The following BFSP2 variants were observed in gnomAD, a reference collection of about 807,000 sequenced individuals.
BFSP2 encodes the protein beaded filament structural protein 2, also known as phakinin.
BFSP2 carries 38 observed loss-of-function variants against 44.9 expected under a neutral mutation model. The observed-to-expected ratio is 0.85, with a 90% CI of 0.65 to 1.11. BFSP2 has a LOEUF of 1.11. Among genes scored for constraint, BFSP2 ranks in the 50% least tolerant of loss-of-function variants. BFSP2 has a pLI of 0.00. For synonymous variants in BFSP2, 197 were observed against 209.9 expected (o/e 0.94, Z 0.53); for missense variants, 525 against 533.0 (o/e 0.99, Z 0.15).
At chr3:133,450,262 T>TC (rs769687076) in intron 3 of BFSP2, 41 bp from the exon 4 acceptor site, 2 of 1,610,232 alleles carry the variant, frequency 1.2e-6, no homozygotes, top group African/African-American at 2.7e-5. Flanking sequence ...GCCATTTATT[T>TC]CCCCCCGTAA....
At chr3:133,461,386 C>T (rs1331874956) in intron 4 of BFSP2, among the ~76,000 whole-genome samples, 1 of 152,190 alleles carries the variant, frequency 6.6e-6, no homozygotes, top group East Asian at 1.9e-4. Context: ...GAAGTAATTG[C>T]ACTCCTACCC....
chr3:133,432,123 C>T lies in BFSP2; in HGVS notation c.490-15194C>T, dbSNP rs544454239. Among the ~76,000 whole-genome samples, 87 of 152,288 alleles carry T rather than the reference C, an allele frequency of 5.7e-4. 1 individual carries two copies. In the South Asian group the frequency reaches 0.016, roughly 28 times the overall value. ...AACGCCAATGTCCCATCCCACAGCA[C>T]GCTTTAAAGGGATTAAAGCCTGTTA... On this transcript the variant is annotated intron_variant, in intron 1 of 6. Transcript: ENST00000302334.
intron 3 of BFSP2, among the ~76,000 whole-genome samples, chr3:133,449,874 G>T (rs2073940328): frequency 1.3e-5 from 2 of 151,472 alleles, no homozygotes; most frequent in Non-Finnish European, 1.5e-5. Flanking sequence ...GGGTGACAGA[G>T]TGAGACCCTG....
chr3:133,466,917 A>G lies in BFSP2; in HGVS notation c.981A>G (p.Gln327=), dbSNP rs2074116142. ...LRVELHNTSC[Q]VQSLQAETES... is the part of the protein sequence containing the mutation. ...TGGAGTTACACAACACTTCGTGCCA[A>G]GTCCAGAGCCTCCAGGCTGAGACAG... Residue 327 remains glutamine (Q), a synonymous_variant, in exon 5 of 7, where the codon CAA becomes CAG. Transcript: ENST00000302334. 1 of 1,613,998 alleles carries G rather than the reference A, an allele frequency of 6.2e-7. No homozygotes were observed. The highest frequency in any genetic ancestry group is 1.3e-5 in the African/African-American group (1 of 74,912).
chr3:133,411,857 G>T (rs946593569), intron 1 of BFSP2, among the ~76,000 whole-genome samples: 2 of 151,974 alleles, frequency 1.3e-5, no homozygotes, highest in Non-Finnish European at 2.9e-5. Context: ...GAAGCAAGAT[G>T]GTAAGAGAAA....
intron 5 of BFSP2, among the ~76,000 whole-genome samples, chr3:133,468,220 G>A (rs900969184): frequency 3.9e-5 from 6 of 152,188 alleles, no homozygotes; most frequent in African/African-American, 1.4e-4. Context: ...TGATACAAAT[G>A]TGAGGGAGGG....
At chr3:133,441,264 G>A (rs1418342076) in intron 1 of BFSP2, among the ~76,000 whole-genome samples, 10 of 152,042 alleles carry the variant, frequency 6.6e-5, no homozygotes, top group Admixed American at 6.6e-4. Flanking sequence ...TCGAACTCCT[G>A]ACCTCAGGTG....
chr3:133,454,812 G>A (rs911004645), intron 4 of BFSP2, among the ~76,000 whole-genome samples: 8 of 152,188 alleles, frequency 5.3e-5, no homozygotes, highest in African/African-American at 1.2e-4. Flanking sequence ...ATGCAAACAC[G>A]TCATACAGCT....
At chr3:133,455,921 C>T (rs1370060574) in intron 4 of BFSP2, 1 of 152,908 alleles carries the variant, frequency 6.5e-6, no homozygotes, top group East Asian at 1.9e-4. Flanking sequence ...TCTTAGCCTT[C>T]TTCCTGAGAT....
Position 133,429,233 on chromosome 3 carries a change from G to A in BFSP2, c.490-18084G>A, listed in dbSNP as rs1008843658. Reference sequence around the variant, plus strand: ...ATTATTTTAAACTTTATGTTAAATTGTGTTATACTGTGTATTAGTCAGGGT... The same window carrying A: ...ATTATTTTAAACTTTATGTTAAATTATGTTATACTGTGTATTAGTCAGGGT... On this transcript the variant is annotated intron_variant, in intron 1 of 6. Transcript: ENST00000302334. The A allele has an allele frequency of 5.3e-5, 8 of 151,956 alleles. No homozygotes were observed. In the South Asian group the frequency reaches 1.0e-3, roughly 20 times the overall value. The allele number at this position is 151,956 out of a possible 1,614,324, so 9.4% of individuals were successfully genotyped here.
intron 1 of BFSP2, among the ~76,000 whole-genome samples, chr3:133,408,534 A>G (rs1270471490): frequency 6.6e-6 from 1 of 152,260 alleles, no homozygotes; most frequent in Non-Finnish European, 1.5e-5. Context: ...CCAATGACAC[A>G]CTGGCAAAAA....
chr3:133,419,640 T>C (rs2073575042), intron 1 of BFSP2, among the ~76,000 whole-genome samples: 1 of 152,232 alleles, frequency 6.6e-6, no homozygotes, highest in South Asian at 2.1e-4. Flanking sequence ...TTGATCCTTC[T>C]GCAAGCACAT....
intron 1 of BFSP2, among the ~76,000 whole-genome samples, chr3:133,435,248 T>C (rs1163869009): frequency 6.6e-6 from 1 of 152,244 alleles, no homozygotes; most frequent in African/African-American, 2.4e-5. Flanking sequence ...CAGGTGTTTT[T>C]CTGCTAATGC....
At chr3:133,444,950 G>T (rs992428504) in intron 1 of BFSP2, among the ~76,000 whole-genome samples, 1 of 151,962 alleles carries the variant, frequency 6.6e-6, no homozygotes. Context: ...CCTTTCAAAG[G>T]CTTCCCAGTA....
intron 1 of BFSP2, among the ~76,000 whole-genome samples, chr3:133,438,809 A>C (rs2073816939): frequency 1.3e-5 from 2 of 152,304 alleles, no homozygotes; most frequent in Middle Eastern, 6.8e-3. Flanking sequence ...TGGTAGGTAG[A>C]GATTGTAAAA....
chr3:133,414,619 A>C (rs1349325462), intron 1 of BFSP2, among the ~76,000 whole-genome samples: 3 of 60,476 alleles, frequency 5.0e-5, no homozygotes, highest in African/African-American at 6.9e-5. Context: ...TATACCTGCC[A>C]TCTCGTCTCT....
intron 4 of BFSP2, among the ~76,000 whole-genome samples, chr3:133,456,165 C>A (rs2074011135): frequency 6.6e-6 from 1 of 152,218 alleles, no homozygotes; most frequent in Admixed American, 6.5e-5. Context: ...TCTCTAACAG[C>A]AGGTCTGCAC....
intron 1 of BFSP2, among the ~76,000 whole-genome samples, chr3:133,438,769 G>A (rs2066395168): frequency 6.6e-6 from 1 of 152,180 alleles, no homozygotes. Context: ...AGTGATATAT[G>A]CATAATAGCC....
intron 4 of BFSP2, 146 bp downstream of exon 4, chr3:133,450,610 AAAT>A: frequency 2.0e-6 from 2 of 989,300 alleles, no homozygotes; most frequent in Non-Finnish European, 3.0e-6. Context: ...ATGAAAATTA[AAAT>A]AATAGCTTTT....
Sources: gnomAD v4.1 joint callset for allele counts (sites outside exome capture counted in the v4.1 genomes callset) on GRCh38, gnomAD v4.1.1 for gene constraint, MANE v1.5 for transcripts, NCBI Gene and HGNC (gene_info 2026-07-23, HGNC 2026-07-21) for gene names.